The following SNX8 variants were observed in gnomAD, a reference collection of about 807,000 sequenced individuals.
SNX8 encodes the protein sorting nexin 8.
In SNX8, 25 loss-of-function variants were observed where a neutral mutation model predicts 51.6. The observed-to-expected ratio is 0.48, with a 90% CI of 0.35 to 0.68. The LOEUF (loss-of-function observed/expected upper bound fraction) is 0.68, where lower values mean the gene tolerates loss of function less well. SNX8 is among the 30% of genes least tolerant of loss of function. SNX8 has a pLI of 0.00. For missense variants in SNX8, 695 were observed against 624.0 expected, an observed-to-expected ratio of 1.11 and a Z score of -1.21; for synonymous variants, 324 against 277.0, an observed-to-expected ratio of 1.17 and a Z score of -1.68.
chr7:2,322,714 T>C (rs1376225776), intron 1 of SNX8, among the ~76,000 whole-genome samples: 1 of 148,466 alleles, frequency 6.7e-6, no homozygotes, highest in Non-Finnish European at 1.5e-5. Flanking sequence ...TAAAATAGAA[T>C]AAAATAAAAT....
At position 2,253,734 on chromosome 7, in the gene SNX8, G is replaced by C. The variant is rs1253297568; in HGVS notation, c.*1322C>G. 1.3e-5 allele frequency: 2 copies of C among 152,308 alleles called. No homozygotes were observed. The highest frequency in any genetic ancestry group is 2.4e-5 in the African/African-American group (1 of 41,450). The allele number at this position is 152,308 out of a possible 1,614,324, so 9.4% of individuals were successfully genotyped here. A position where few individuals can be genotyped will look rare whatever the true frequency, so the allele number is the denominator to read the frequency against. On this transcript the variant is annotated 3_prime_UTR_variant, in exon 11 of 11. Transcript: ENST00000222990. The stretch of plus-strand genomic sequence containing the variant: ...GCTCGCAGTGGACGATGGATCACCT[G>C]CCTGCGGGGCACACACAGGAGTCCC...
At chr7:2,343,782 G>T (rs1160934073) in intron 1 of SNX8, among the ~76,000 whole-genome samples, 1 of 152,094 alleles carries the variant, frequency 6.6e-6, no homozygotes, top group Non-Finnish European at 1.5e-5. Context: ...ACTTTGGGAG[G>T]CCAAAGGGGG....
At position 2,278,087 on chromosome 7, in the gene SNX8, A is replaced by C. The variant is rs1795823819; in HGVS notation, c.300+13T>G. 6.2e-7 allele frequency: 1 copy of C among 1,611,252 alleles called. No individual in the cohort carries two copies. The highest frequency in any genetic ancestry group is 1.1e-5 in the South Asian group (1 of 90,794). On this transcript the variant is annotated intron_variant, in intron 2 of 10. Transcript: ENST00000222990. Reference sequence around the variant, plus strand: ...CCCCTCCTGCCCCGACACACACACAATTTGCCAGTTACCTGGCTGGAAACC... The same window carrying C: ...CCCCTCCTGCCCCGACACACACACACTTTGCCAGTTACCTGGCTGGAAACC...
At chr7:2,275,356 G>A (rs1332651350) in intron 2 of SNX8, 127 bp from the exon 3 acceptor site, 2 of 712,572 alleles carry the variant, frequency 2.8e-6, no homozygotes, top group East Asian at 5.0e-5. Context: ...TTTACTAAAT[G>A]GAGAAACCCT....
Position 2,258,290 on chromosome 7 carries a change from C to T in SNX8, c.916-487G>A, listed in dbSNP as rs547840909. On this transcript the variant is annotated intron_variant, in intron 7 of 10. Coordinates refer to ENST00000222990, the MANE Select transcript of SNX8 (RefSeq NM_013321.4). ...CTCGGCCTCCCAAAGTGCTGGATTA[C>T]AGGCGTGAGCCACCGCGCTGGGCCT... is the stretch of plus-strand genomic sequence containing the variant. Among the ~76,000 whole-genome samples the T allele has an allele frequency of 1.0e-3, 152 of 152,258 alleles. 1 individual carries two copies. The highest frequency in any genetic ancestry group is 4.1e-3 in the South Asian group (20 of 4,826).
chr7:2,323,880 A>G (rs1038261028), intron 1 of SNX8, among the ~76,000 whole-genome samples: 4 of 151,974 alleles, frequency 2.6e-5, no homozygotes, highest in Admixed American at 6.6e-5. Flanking sequence ...ATCTCGGCTC[A>G]CTGCAACCTC....
In SNX8 at chr7:2,293,618, C is replaced by T. The variant is rs376453441; in HGVS notation, c.95-15313G>A. On this transcript the variant is annotated intron_variant, in intron 1 of 10. Transcript: ENST00000222990. ...TGATGGTTGCAGTGAGCCAAGATAG[C>T]GCCATTGTACTCCAGCCTGGGTGAC... Among the ~76,000 whole-genome samples the T allele has an allele frequency of 1.8e-4, 27 of 151,002 alleles. 1 individual carries two copies. The South Asian group carries it at 5.6e-3, about 32-fold the overall frequency.
At chr7:2,350,144 CT>C (rs1319015921) in intron 1 of SNX8, among the ~76,000 whole-genome samples, 2 of 152,182 alleles carry the variant, frequency 1.3e-5, no homozygotes, top group East Asian at 3.8e-4. Flanking sequence ...CTTGGAAATA[CT>C]TCTCATTCTG....
In SNX8 at chr7:2,337,766, T is replaced by TA. The variant is rs200789837; in HGVS notation, c.-66+16455dup. ...CACAGAGTCAACCCCTTTATTACAT[T>TA]AAAAAAAAAACAAGTATGCAAAAGA... is the stretch of plus-strand genomic sequence containing the variant. On this transcript the variant is annotated intron_variant, in intron 1 of 5. Coordinates refer to the SNX8 transcript ENST00000435336. Among the ~76,000 whole-genome samples, 199 of 131,008 alleles carry TA rather than the reference T, an allele frequency of 1.5e-3. 2 individuals are homozygous for TA. The highest frequency in any genetic ancestry group is 1.3e-3 in the Non-Finnish European group (82 of 61,106). The allele number at this position is 131,008 out of a possible 152,430, so 85.9% of individuals were successfully genotyped here.
intron 1 of SNX8, among the ~76,000 whole-genome samples, chr7:2,332,091 C>T (rs958564575): frequency 6.6e-6 from 1 of 151,720 alleles, no homozygotes; most frequent in Admixed American, 6.6e-5. Flanking sequence ...CCTGTAGTTC[C>T]AGCTAGTTGG....
chr7:2,255,242 CT>C, intron 10 of SNX8, 73 bp from the exon 11 acceptor site: 1 of 974,328 alleles, frequency 1.0e-6, no homozygotes, highest in Non-Finnish European at 1.5e-6. Context: ...ATCCCAGTTC[CT>C]TCGCCTGCCA....
intron 1 of SNX8, among the ~76,000 whole-genome samples, chr7:2,336,069 C>G (rs1778823363): frequency 1.3e-5 from 2 of 150,174 alleles, no homozygotes; most frequent in Admixed American, 1.3e-4. Flanking sequence ...CACCACTGCA[C>G]TCCAGCCTGG....
intron 9 of SNX8, 146 bp from the exon 10 acceptor site, chr7:2,257,169 G>A (rs1480898185): frequency 8.4e-7 from 1 of 1,187,748 alleles, no homozygotes; most frequent in Non-Finnish European, 1.2e-6. Context: ...GGTAAGAGAG[G>A]GCCGGGGAGG....
At chr7:2,346,448 A>G (rs1342844312) in intron 1 of SNX8, among the ~76,000 whole-genome samples, 1 of 146,200 alleles carries the variant, frequency 6.8e-6, no homozygotes, top group Non-Finnish European at 1.5e-5. Context: ...TCTCAAAACG[A>G]AAAAAAAAAG....
intron 4 of SNX8, 94 bp downstream of exon 4, chr7:2,271,756 G>A: frequency 1.4e-6 from 2 of 1,422,840 alleles, no homozygotes; most frequent in Non-Finnish European, 1.9e-6. Flanking sequence ...AAGGGACCAG[G>A]AGGATAAGAA....
chr7:2,321,402 G>C (rs1246031897), intron 1 of SNX8, among the ~76,000 whole-genome samples: 1 of 151,836 alleles, frequency 6.6e-6, no homozygotes, highest in African/African-American at 2.4e-5. Context: ...CGTATTCAGG[G>C]AACTGTAAAA....
At chr7:2,265,003 C>A (rs1361664057) in intron 5 of SNX8, among the ~76,000 whole-genome samples, 3 of 152,164 alleles carry the variant, frequency 2.0e-5, no homozygotes. Context: ...CAACCACACT[C>A]CAGTTTGGGC....
chr7:2,257,046 T>C (rs1481824491), intron 9 of SNX8, 23 bp from the exon 10 acceptor site: 1 of 1,584,008 alleles, frequency 6.3e-7, no homozygotes, highest in Non-Finnish European at 8.6e-7. Context: ...CAGCCGCCTT[T>C]CGCACCCGGC....
chr7:2,342,696 T>C (rs1778955365), intron 1 of SNX8, among the ~76,000 whole-genome samples: 1 of 151,586 alleles, frequency 6.6e-6, no homozygotes, highest in African/African-American at 2.4e-5. Context: ...ATGACAAAAG[T>C]ATCACGTAAG....
Sources: allele counts gnomAD v4.1 joint callset (sites outside exome capture counted in the v4.1 genomes callset), GRCh38; gene constraint gnomAD v4.1.1; transcripts MANE v1.5; gene names NCBI Gene and HGNC (gene_info 2026-07-23, HGNC 2026-07-21).